Variants in RAB3IL1 observed in about 807,000 individuals in gnomAD.
RAB3IL1 encodes the protein guanine nucleotide exchange factor for Rab-3A.
In RAB3IL1, 37 loss-of-function variants were observed where a neutral mutation model predicts 49.2. That is an observed-to-expected ratio of 0.75 (90% CI 0.58 to 0.99). The LOEUF (loss-of-function observed/expected upper bound fraction) is 0.99, where lower values mean the gene tolerates loss of function less well. Ranked by LOEUF, RAB3IL1 falls within the 50% of genes least tolerant of loss-of-function variation. The pLI is 0.00. For synonymous variants in RAB3IL1, 193 were observed against 213.9 expected (o/e 0.90, Z 0.85); for missense variants, 484 against 513.0 (o/e 0.94, Z 0.55).
the RAB3IL1 span, among the ~76,000 whole-genome samples, chr11:61,932,860 C>A: frequency 6.6e-6 from 1 of 151,164 alleles, no homozygotes; most frequent in South Asian, 2.1e-4. Context: ...CAACCTCTGC[C>A]TCCAGGTTCA....
upstream of RAB3IL1, chr11:61,917,667 C>T (rs1237141285): frequency 1.4e-6 from 1 of 701,702 alleles, no homozygotes; most frequent in Non-Finnish European, 1.8e-6. Context: ...TGGCCCCACC[C>T]GGCCCGCCGC....
chr11:61,941,038 T>C, the RAB3IL1 span, among the ~76,000 whole-genome samples: 1 of 151,674 alleles, frequency 6.6e-6, no homozygotes, highest in Non-Finnish European at 1.5e-5. Flanking sequence ...CAGTGAGCTA[T>C]GATCACACAG....
chr11:61,907,263 G>T, intron 4 of RAB3IL1, 130 bp downstream of exon 4: 1 of 942,780 alleles, frequency 1.1e-6, no homozygotes. Flanking sequence ...CCTGGGCCTA[G>T]GTTCACCCAT....
the RAB3IL1 span, among the ~76,000 whole-genome samples, chr11:61,940,681 G>A: frequency 2.6e-5 from 4 of 152,068 alleles, no homozygotes; most frequent in East Asian, 1.9e-4. Flanking sequence ...CCAGCACTTC[G>A]GGAAGACGAG....
the RAB3IL1 span, among the ~76,000 whole-genome samples, chr11:61,935,355 G>A: frequency 2.0e-5 from 3 of 150,628 alleles, no homozygotes; most frequent in Admixed American, 6.6e-5. Flanking sequence ...GTGTGGCAGA[G>A]GTTGCAGTGA....
At chr11:61,928,956 T>C in the RAB3IL1 span, among the ~76,000 whole-genome samples, 1 of 152,166 alleles carries the variant, frequency 6.6e-6, no homozygotes, top group Non-Finnish European at 1.5e-5. Flanking sequence ...GGTTAACACA[T>C]GAATTTTTAG....
intron 5 of RAB3IL1, 127 bp from the exon 6 acceptor site, chr11:61,905,009 C>T (rs1169138941): frequency 1.4e-6 from 1 of 707,920 alleles, no homozygotes; most frequent in Non-Finnish European, 2.4e-6. Context: ...AGGTCGATCC[C>T]CAGCAGCCGT....
At chr11:61,934,462 A>G in the RAB3IL1 span, among the ~76,000 whole-genome samples, 1,718 of 33,080 alleles carry the variant, frequency 0.052, 135 homozygotes, top group South Asian at 0.16. Context: ...ATATATATAT[A>G]TATATATATA....
At chr11:61,944,209 C>CCCTTCCCTCCTTCCTTCCTT in the RAB3IL1 span, among the ~76,000 whole-genome samples, 69 of 32,148 alleles carry the variant, frequency 2.1e-3, no homozygotes, top group African/African-American at 3.7e-3. Context: ...TCCTTTCCTT[C>CCCTTCCCTCCTTCCTTCCTT]CCTTCCTTCC....
the RAB3IL1 span, among the ~76,000 whole-genome samples, chr11:61,945,162 C>A: frequency 6.6e-6 from 1 of 152,186 alleles, no homozygotes; most frequent in African/African-American, 2.4e-5. Flanking sequence ...GTGGCTTACT[C>A]CTCATCTAGC....
the RAB3IL1 span, among the ~76,000 whole-genome samples, chr11:61,943,861 G>A: frequency 2.0e-5 from 3 of 152,052 alleles, no homozygotes; most frequent in Admixed American, 1.3e-4. Flanking sequence ...GACACGGATT[G>A]CCCCTCAATA....
At chr11:61,909,487 C>A (rs1939365063) in intron 1 of RAB3IL1, among the ~76,000 whole-genome samples, 1 of 152,226 alleles carries the variant, frequency 6.6e-6, no homozygotes. Context: ...AGTCCCTTCA[C>A]ACAGCCCGGT....
chr11:61,944,213 T>TC, the RAB3IL1 span, among the ~76,000 whole-genome samples: 1 of 142,454 alleles, frequency 7.0e-6, no homozygotes, highest in Admixed American at 7.0e-5. Context: ...TTCCTTCCCT[T>TC]CCTTCCCTCC....
chr11:61,900,378 G>C (rs1938845102), intron 8 of RAB3IL1, among the ~76,000 whole-genome samples: 1 of 152,266 alleles, frequency 6.6e-6, no homozygotes, highest in African/African-American at 2.4e-5. Context: ...CAACACTCCT[G>C]GGGAGGGACA....
chr11:61,910,611 T>C (rs1381629590), intron 1 of RAB3IL1, among the ~76,000 whole-genome samples: 1 of 152,214 alleles, frequency 6.6e-6, no homozygotes, highest in African/African-American at 2.4e-5. Context: ...GGGTGAATCA[T>C]GTTCAATCCA....
chr11:61,942,403 C>T, the RAB3IL1 span, among the ~76,000 whole-genome samples: 1 of 152,068 alleles, frequency 6.6e-6, no homozygotes, highest in Non-Finnish European at 1.5e-5. Flanking sequence ...CCACTATTGT[C>T]CCATGACCCT....
the RAB3IL1 span, among the ~76,000 whole-genome samples, chr11:61,939,724 G>C: frequency 1.3e-5 from 2 of 152,216 alleles, no homozygotes; most frequent in South Asian, 2.1e-4. Context: ...GCCAGTGCGG[G>C]GGAATTGTTT....
chr11:61,899,427 G>C, intron 8 of RAB3IL1, 47 bp from the exon 9 acceptor site: 1 of 1,572,112 alleles, frequency 6.4e-7, no homozygotes, highest in Non-Finnish European at 8.7e-7. Flanking sequence ...CCCACGCTGG[G>C]GGTCCCCTGA....
the RAB3IL1 span, among the ~76,000 whole-genome samples, chr11:61,935,065 C>T: frequency 1.3e-5 from 2 of 151,992 alleles, no homozygotes; most frequent in Non-Finnish European, 2.9e-5. Flanking sequence ...TGTCCAGTTT[C>T]AAACAAAAAT....
Sources: allele counts gnomAD v4.1 joint callset (sites outside exome capture counted in the v4.1 genomes callset), GRCh38; gene constraint gnomAD v4.1.1; transcripts MANE v1.5; gene names NCBI Gene and HGNC (gene_info 2026-07-23, HGNC 2026-07-21).